The following IL1RAPL1 variants were observed in gnomAD, a reference collection of about 807,000 sequenced individuals.
The protein encoded by IL1RAPL1 is interleukin 1 receptor accessory protein like 1.
IL1RAPL1 carries 3 observed loss-of-function variants against 48.4 expected under a neutral mutation model. The observed-to-expected ratio is 0.06, with a 90% CI of 0.03 to 0.16. The LOEUF is 0.16. IL1RAPL1 is among the 10% of genes least tolerant of loss of function. The probability of loss-of-function intolerance (pLI) is 1.00; values close to 1 mark genes in which losing one functional copy is unlikely to be tolerated. For missense variants in IL1RAPL1, 349 were observed against 530.6 expected (o/e 0.66, Z 3.36); for synonymous variants, 185 against 187.7 (o/e 0.99, Z 0.12).
rs145611167 is a variant in IL1RAPL1, at chrX:29,627,916, G to T, written c.704-40514G>T. Among the ~76,000 whole-genome samples the T allele has an allele frequency of 6.7e-3, 747 of 112,216 alleles. 4 individuals are homozygous for T. Among genetic ancestry groups the T allele is most frequent in the African/African-American group, 0.023 (722 of 30,936 alleles). ...ATTCTAATAAATGGTGTCAAGCATA[G>T]AAGAGAGAAAAATTCTACTTTTGTG... On this transcript the variant is annotated intron_variant, in intron 5 of 10. Coordinates refer to ENST00000378993, the MANE Select transcript of IL1RAPL1 (RefSeq NM_014271.4).
intron 5 of IL1RAPL1, among the ~76,000 whole-genome samples, chrX:29,639,216 AT>A (rs1044459174): frequency 8.9e-5 from 10 of 112,064 alleles, no homozygotes; most frequent in Admixed American, 2.8e-4. Context: ...TTTTAAAAAA[AT>A]TTTTAGATTT....
intron 1 of IL1RAPL1, among the ~76,000 whole-genome samples, chrX:28,687,136 C>G (rs909953195): frequency 1.8e-5 from 2 of 111,497 alleles, no homozygotes; most frequent in African/African-American, 6.5e-5. Flanking sequence ...AAATGAACCT[C>G]TGTGTCTGCT....
Position 29,139,832 on chromosome X carries a change from T to A in IL1RAPL1, c.83-143106T>A, listed in dbSNP as rs369910921. 1.8e-4 allele frequency among the ~76,000 whole-genome samples: 16 copies of A among 90,985 alleles called. No individual in the cohort carries two copies. The South Asian group carries it at 7.5e-3, about 42-fold the overall frequency. The allele number at this position is 90,985 out of a possible 115,157, so 79.0% of individuals were successfully genotyped here. On this transcript the variant is annotated intron_variant, in intron 2 of 10. Coordinates refer to ENST00000378993, the MANE Select transcript of IL1RAPL1 (RefSeq NM_014271.4). ...ACAAAATCCATTCTGGAATAAGATG[T>A]CATATAGTAACATAAAATTTATATT...
intron 2 of IL1RAPL1, among the ~76,000 whole-genome samples, chrX:29,263,831 TTC>T (rs1347796392): frequency 3.3e-5 from 3 of 90,516 alleles, no homozygotes; most frequent in Admixed American, 2.6e-4. Flanking sequence ...TCATTCATCA[TTC>T]TCTCTCTCTC....
chrX:28,826,866 A>C (rs1343042784), intron 2 of IL1RAPL1, among the ~76,000 whole-genome samples: 1 of 111,111 alleles, frequency 9.0e-6, no homozygotes, highest in Non-Finnish European at 1.9e-5. Flanking sequence ...CATAGTAGTA[A>C]TATAGGGAGA....
At chrX:28,659,595 T>G (rs1225735703) in intron 1 of IL1RAPL1, 1 of 408,709 alleles carries the variant, frequency 2.4e-6, no homozygotes, top group Non-Finnish European at 4.3e-6. Context: ...ACGGTGGCGG[T>G]GGCGCGGCGG....
intron 1 of IL1RAPL1, among the ~76,000 whole-genome samples, chrX:28,779,454 A>G (rs1239329463): frequency 9.3e-6 from 1 of 107,987 alleles, no homozygotes; most frequent in African/African-American, 3.4e-5. Flanking sequence ...TGTTGTTCAC[A>G]TGGTTTCTGA....
intron 1 of IL1RAPL1, among the ~76,000 whole-genome samples, chrX:28,590,851 G>A (rs1429629748): frequency 8.9e-6 from 1 of 112,148 alleles, no homozygotes; most frequent in Non-Finnish European, 1.9e-5. Context: ...AAAGACACTG[G>A]TTGTGAAGCA....
chrX:29,166,803 G>T (rs1012643757), intron 2 of IL1RAPL1, among the ~76,000 whole-genome samples: 1 of 111,341 alleles, frequency 9.0e-6, no homozygotes, highest in Admixed American at 9.6e-5. Flanking sequence ...TGCATGCCTT[G>T]ACTTTTTCAT....
In IL1RAPL1 at chrX:29,647,222, C is replaced by T. The variant is rs143082570; in HGVS notation, c.704-21208C>T. Among the ~76,000 whole-genome samples, 782 of 109,841 alleles carry T rather than the reference C, an allele frequency of 7.1e-3. 29 individuals carry two copies. In the East Asian group the frequency reaches 0.13, roughly 18 times the overall value. ...AAAAGTAGCTGGGCGTGGTGGCACG[C>T]GACTGTAGTCCCAGCTACTTGGGAG... On this transcript the variant is annotated intron_variant, in intron 5 of 10. Coordinates refer to ENST00000378993, the MANE Select transcript of IL1RAPL1 (RefSeq NM_014271.4).
chrX:28,770,642 G>T (rs1225365891), intron 1 of IL1RAPL1, among the ~76,000 whole-genome samples: 1 of 112,219 alleles, frequency 8.9e-6, no homozygotes, highest in African/African-American at 3.2e-5. Context: ...ATGCAGCTCT[G>T]CCTTTTGTAT....
chrX:29,474,945 A>C lies in IL1RAPL1; in HGVS notation c.703+75637A>C, dbSNP rs1029886521. Among the ~76,000 whole-genome samples the C allele has an allele frequency of 2.7e-5, 3 of 111,837 alleles. No individual in the cohort carries two copies. The Admixed American group carries it at 2.8e-4, about 11-fold the overall frequency. On this transcript the variant is annotated intron_variant, in intron 5 of 10. Coordinates refer to ENST00000378993, the MANE Select transcript of IL1RAPL1 (RefSeq NM_014271.4). The stretch of plus-strand genomic sequence containing the variant: ...AATTAACAGGACTAGAAGTAGTAAT[A>C]TATGTAAAGAAATATTTCAGCACTT...
intron 7 of IL1RAPL1, among the ~76,000 whole-genome samples, chrX:29,918,453 C>T (rs1248717388): frequency 2.1e-5 from 2 of 94,930 alleles, no homozygotes; most frequent in South Asian, 1.1e-3. Flanking sequence ...TGCAGTGAGC[C>T]GAGATCGCAC....
At chrX:28,880,083 A>C (rs183593095) in intron 2 of IL1RAPL1, among the ~76,000 whole-genome samples, 1 of 112,639 alleles carries the variant, frequency 8.9e-6, no homozygotes. Context: ...AGTGAAAATT[A>C]AAATTATTCA....
chrX:29,507,797 T>C (rs1935352359), intron 5 of IL1RAPL1, among the ~76,000 whole-genome samples: 1 of 111,221 alleles, frequency 9.0e-6, no homozygotes, highest in Non-Finnish European at 1.9e-5. Context: ...AAGTAGGATT[T>C]AGCTGTGCCT....
chrX:28,911,792 G>T, intron 2 of IL1RAPL1, among the ~76,000 whole-genome samples: 1 of 109,094 alleles, frequency 9.2e-6, no homozygotes, highest in Non-Finnish European at 1.9e-5. Context: ...TTTTAAATGG[G>T]GCTAGAAGGT....
chrX:29,616,893 G>GT (rs1207096050), intron 5 of IL1RAPL1, among the ~76,000 whole-genome samples: 16 of 111,356 alleles, frequency 1.4e-4, no homozygotes, highest in Admixed American at 1.2e-3. Context: ...TCTATTATCA[G>GT]TTTTTTTCTT....
At chrX:29,213,328 G>C (rs758405288) in intron 2 of IL1RAPL1, among the ~76,000 whole-genome samples, 1 of 112,344 alleles carries the variant, frequency 8.9e-6, no homozygotes, top group South Asian at 3.6e-4. Context: ...CTCTATTCCC[G>C]ATCTTCATCA....
At chrX:28,810,711 C>T (rs1936785044) in intron 2 of IL1RAPL1, among the ~76,000 whole-genome samples, 2 of 109,847 alleles carry the variant, frequency 1.8e-5, no homozygotes, top group Non-Finnish European at 3.8e-5. Context: ...GCAAAAAGAA[C>T]AGAAGCATAG....
Sources: gnomAD v4.1 joint callset for allele counts (sites outside exome capture counted in the v4.1 genomes callset) on GRCh38, gnomAD v4.1.1 for gene constraint, MANE v1.5 for transcripts, NCBI Gene and HGNC (gene_info 2026-07-23, HGNC 2026-07-21) for gene names.